DHRS4: variants seen among roughly 807,000 people sequenced by gnomAD.
The protein encoded by DHRS4 is dehydrogenase/reductase SDR family member 4.
A neutral mutation model predicts 28.4 loss-of-function variants in DHRS4; 20 were observed. The ratio of observed to expected loss-of-function variants is 0.71; its 90% CI spans 0.50 to 1.02. DHRS4 has a LOEUF of 1.02. Among genes scored for constraint, DHRS4 ranks in the 50% least tolerant of loss-of-function variants. The pLI, the probability that DHRS4 is intolerant of heterozygous loss-of-function variation, is 0.00. For missense variants in DHRS4, 378 were observed against 367.2 expected (o/e 1.03, Z -0.24); for synonymous variants, 144 against 146.4 (o/e 0.98, Z 0.12).
chr14:23,954,676 G>A (rs1183159508), intron 1 of DHRS4, among the ~76,000 whole-genome samples: 2 of 152,210 alleles, frequency 1.3e-5, no homozygotes, highest in African/African-American at 4.8e-5. Flanking sequence ...GAAACCTGGG[G>A]GCAGGGCTGT....
rs202113482 is a variant in DHRS4, at chr14:23,960,008, G to C, written c.408+5G>C. 4.4e-6 allele frequency: 7 copies of C among 1,606,844 alleles called. No homozygotes were observed. Among genetic ancestry groups the C allele is most frequent in the South Asian group, 1.1e-5 (1 of 91,018 alleles). ...ACTGAGGAGGTGTGGGACAAGGTGA[G>C]AGGGGATTAAAGCAGGGGGGCCGGG... On this transcript the variant is annotated splice_donor_5th_base_variant and intron_variant, in intron 3 of 7. Transcript: ENST00000313250.
chr14:23,958,077 T>G (rs2033247950), intron 2 of DHRS4, among the ~76,000 whole-genome samples: 1 of 151,916 alleles, frequency 6.6e-6, no homozygotes, highest in African/African-American at 2.4e-5. Flanking sequence ...TAGTAACAAG[T>G]CCATTGGTGA....
rs1253391677 is a variant in DHRS4, at chr14:23,967,229, A to G, written c.685A>G (p.Lys229Glu). Residue 229 changes from lysine to glutamate, a missense_variant, in exon 7 of 8, where the codon AAA (lysine) becomes GAA (glutamate). Lys to Glu is a moderately conservative substitution (Grantham distance 56). Coordinates refer to ENST00000313250, the MANE Select transcript of DHRS4 (RefSeq NM_021004.4). The part of the protein sequence containing the change: ...FSRMLWMDKE[K>E]EESMKETLRI... ...CCTGCAGCTCTGGATGGACAAGGAA[A>G]AAGAGGAAAGCATGAAAGAAACCCT... is the stretch of plus-strand genomic sequence containing the variant. The G allele has an allele frequency of 5.6e-6, 9 of 1,613,158 alleles. No homozygotes were observed. Among genetic ancestry groups the G allele is most frequent in the Non-Finnish European group, 7.6e-6 (9 of 1,179,672 alleles).
At chr14:23,953,965 G>A (rs1165297818) in intron 1 of DHRS4, 49 bp downstream of exon 1, 2 of 1,550,740 alleles carry the variant, frequency 1.3e-6, no homozygotes, top group East Asian at 2.4e-5. Flanking sequence ...CTGGAAACAG[G>A]CACTGGCCTC....
intron 1 of DHRS4, 146 bp from the exon 2 acceptor site, chr14:23,954,889 C>G: frequency 7.3e-7 from 1 of 1,375,148 alleles, no homozygotes; most frequent in Non-Finnish European, 9.8e-7. Context: ...TGCCATTAAG[C>G]CTGTTTTACA....
At chr14:23,961,530 T>TTCTTTC (rs139225589) in intron 3 of DHRS4, among the ~76,000 whole-genome samples, 3 of 32,366 alleles carry the variant, frequency 9.3e-5, no homozygotes, top group African/African-American at 7.1e-4. Context: ...TCTTTTTTCC[T>TTCTTTC]TTTTTTTTTT....
Position 23,965,948 on chromosome 14 carries a change from A to G in DHRS4, c.496A>G (p.Ile166Val), listed in dbSNP as rs752315595. 1.9e-6 allele frequency: 3 copies of G among 1,609,630 alleles called. No homozygotes were observed. In the East Asian group the frequency reaches 6.7e-5, roughly 36 times the overall value. The change falls in exon 5 of 8, where the codon ATC (isoleucine) becomes GTC (valine). Residue 166 changes from isoleucine (I) to valine (V), a missense_variant. Coordinates refer to ENST00000313250, the MANE Select transcript of DHRS4 (RefSeq NM_021004.4). Reference protein sequence around the residue: ...MEKRGGGSVVIVSSIAAFSPS... With the variant: ...MEKRGGGSVVVVSSIAAFSPS... ...TTTTTCCAGAGGCGGCTCAGTGGTG[A>G]TCGTGTCTTCCATAGCAGCCTTCAG... is the stretch of plus-strand genomic sequence containing the variant.
In DHRS4 at chr14:23,969,194, T is replaced by C; in HGVS notation, c.*323T>C. On this transcript the variant is annotated 3_prime_UTR_variant, in exon 8 of 8. Transcript: ENST00000313250. ...GAGGGGTGATGGGAGAGAAGGAACC[T>C]GGAGTGGAAGGAGCAGAGTTGCAAA... 3.0e-6 allele frequency: 1 copy of C among 335,706 alleles called. No individual in the cohort carries two copies. The highest frequency in any genetic ancestry group is 5.5e-6 in the Non-Finnish European group (1 of 182,406). 20.8% of individuals were successfully genotyped at this position (335,706 alleles called of 1,614,324 possible).
chr14:23,960,041 C>T (rs1445536753), intron 3 of DHRS4, 38 bp downstream of exon 3: 2 of 1,567,610 alleles, frequency 1.3e-6, no homozygotes, highest in East Asian at 2.2e-5. Context: ...GGGGGGGGCG[C>T]CTTGGAACAC....
chr14:23,965,629 A>T, intron 3 of DHRS4, 133 bp from the exon 4 acceptor site: 1 of 742,436 alleles, frequency 1.3e-6, no homozygotes, highest in Non-Finnish European at 2.2e-6. Flanking sequence ...CATGTGTAAG[A>T]TGCAGGTATA....
chr14:23,963,540 G>C (rs2033498000), intron 3 of DHRS4, among the ~76,000 whole-genome samples: 1 of 148,898 alleles, frequency 6.7e-6, no homozygotes, highest in Non-Finnish European at 1.5e-5. Context: ...AGCCTTCAAA[G>C]AATTAAAAAT....
chr14:23,956,802 C>T (rs1486045374), intron 2 of DHRS4, among the ~76,000 whole-genome samples: 2 of 152,110 alleles, frequency 1.3e-5, no homozygotes, highest in African/African-American at 2.4e-5. Flanking sequence ...CAGGGTTTCA[C>T]CATGTTGGCC....
chr14:23,955,964 G>A (rs565061470), intron 2 of DHRS4, among the ~76,000 whole-genome samples: 3 of 152,364 alleles, frequency 2.0e-5, no homozygotes, highest in East Asian at 3.9e-4. Context: ...GAGTGGAAGG[G>A]AGAATCTACC....
At position 23,955,244 on chromosome 14, in the gene DHRS4, G is replaced by C. The variant is rs754083610; in HGVS notation, c.306+32G>C. 4 of 1,598,148 alleles carry C rather than the reference G, an allele frequency of 2.5e-6. No individual in the cohort carries two copies. In the East Asian group the frequency reaches 6.8e-5, roughly 27 times the overall value. Reference sequence around the variant, plus strand: ...TGCAGGGAAATGGGCACAGAGCCAGGAGGTGGAAAACGGAGCCAGCCTGAG... The same window carrying C: ...TGCAGGGAAATGGGCACAGAGCCAGCAGGTGGAAAACGGAGCCAGCCTGAG... On this transcript the variant is annotated intron_variant, in intron 2 of 7. Transcript: ENST00000313250.
intron 7 of DHRS4, 159 bp downstream of exon 7, chr14:23,967,425 C>T: frequency 1.7e-6 from 2 of 1,174,096 alleles, no homozygotes; most frequent in South Asian, 2.6e-5. Flanking sequence ...CTACAGTGAC[C>T]TGAGCAAGAA....
At chr14:23,958,317 G>A (rs2033257979) in intron 2 of DHRS4, among the ~76,000 whole-genome samples, 1 of 152,174 alleles carries the variant, frequency 6.6e-6, no homozygotes, top group Non-Finnish European at 1.5e-5. Context: ...GGTGTACATT[G>A]TTAGTAACAC....
intron 2 of DHRS4, among the ~76,000 whole-genome samples, chr14:23,956,511 T>C (rs528671404): frequency 6.6e-6 from 1 of 151,582 alleles, no homozygotes; most frequent in African/African-American, 2.4e-5. Flanking sequence ...AGAGGAGCAC[T>C]GTCAGGCCAC....
rs747370484 is a variant in DHRS4 at position 23,955,119 on chromosome 14, G to T, written c.213G>T (p.Gln71His). ...GCCGGAAGCAGCAGAATGTGGACCA[G>T]GCGGTGGCCACGCTGCAGGGGGAGG... The part of the protein sequence containing the change: ...VSSRKQQNVD[Q>H]AVATLQGEGL... Residue 71 changes from glutamine to histidine, a missense_variant, in exon 2 of 8, where the codon CAG (glutamine) becomes CAT (histidine). Physicochemically the swap from Gln to His is conservative, Grantham distance 24. Transcript: ENST00000313250. 6.2e-6 allele frequency: 10 copies of T among 1,614,018 alleles called. No individual in the cohort carries two copies. Among genetic ancestry groups the T allele is most frequent in the African/African-American group, 5.3e-5 (4 of 74,944 alleles).
chr14:23,961,550 G>A (rs536669917), intron 3 of DHRS4, among the ~76,000 whole-genome samples: 82 of 105,632 alleles, frequency 7.8e-4, no homozygotes, highest in Middle Eastern at 5.3e-3. Context: ...TTTTTCCCTC[G>A]CTGTGTCATT....
Sources: allele counts gnomAD v4.1 joint callset (sites outside exome capture counted in the v4.1 genomes callset), GRCh38; gene constraint gnomAD v4.1.1; transcripts MANE v1.5; gene names NCBI Gene and HGNC (gene_info 2026-07-23, HGNC 2026-07-21).